Variants in GLYATL2 observed in about 807,000 individuals in gnomAD.
GLYATL2 encodes the protein glycine-N-acyltransferase like 2.
A neutral mutation model predicts 21.4 loss-of-function variants in GLYATL2; 25 were observed. The observed-to-expected ratio is 1.17, with a 90% CI of 0.85 to 1.63. The LOEUF (loss-of-function observed/expected upper bound fraction) is 1.63, where lower values mean the gene tolerates loss of function less well. GLYATL2 is among the 40% of genes most tolerant of loss of function. The pLI, the probability that GLYATL2 is intolerant of heterozygous loss-of-function variation, is 0.00. For missense variants in GLYATL2, 361 were observed against 343.3 expected, an observed-to-expected ratio of 1.05 and a Z score of -0.41; for synonymous variants, 114 against 118.2, an observed-to-expected ratio of 0.96 and a Z score of 0.23.
intron 1 of GLYATL2, among the ~76,000 whole-genome samples, chr11:58,887,226 A>G (rs183920840): frequency 6.6e-6 from 1 of 152,344 alleles, no homozygotes; most frequent in East Asian, 1.9e-4. Context: ...TGAAAATATA[A>G]AAGTTGAATG....
rs1160089355 is a variant in GLYATL2 at position 58,865,095 on chromosome 11, A to G, written n.61-26727T>C. ...TCTCTATCTTCATCAAGGTTTACAC[A>G]TGAAACACATACAGCTTTTTCTATG... On this transcript the variant is annotated intron_variant and non_coding_transcript_variant, in intron 1 of 4. Transcript: ENST00000533636. Among the ~76,000 whole-genome samples, 7 of 148,128 alleles carry G rather than the reference A, an allele frequency of 4.7e-5. 3 individuals are homozygous for G. Among genetic ancestry groups the G allele is most frequent in the East Asian group, 4.5e-4 (2 of 4,424 alleles).
chr11:58,880,116 C>T lies in GLYATL2; in HGVS notation n.60+24040G>A, dbSNP rs371349718. Among the ~76,000 whole-genome samples, 3 of 152,132 alleles carry T rather than the reference C, an allele frequency of 2.0e-5. No homozygotes were observed. In the East Asian group the frequency reaches 5.8e-4, roughly 29 times the overall value. On this transcript the variant is annotated intron_variant and non_coding_transcript_variant, in intron 1 of 4. Transcript: ENST00000533636. The stretch of plus-strand genomic sequence containing the variant: ...CTCGTGATCCGCCCACCTCGGCCTC[C>T]CAAAGTGCGGGGATTACAGGCGTGA...
chr11:58,861,255 A>G (rs578074542), intron 1 of GLYATL2, among the ~76,000 whole-genome samples: 1 of 151,758 alleles, frequency 6.6e-6, no homozygotes, highest in Non-Finnish European at 1.5e-5. Context: ...TTTTTTACTT[A>G]TTTAACGTCC....
In GLYATL2 at chr11:58,860,913, C is replaced by T. The variant is rs140320925; in HGVS notation, n.61-22545G>A. Among the ~76,000 whole-genome samples, 281 of 152,088 alleles carry T rather than the reference C, an allele frequency of 1.8e-3. 2 individuals carry two copies. Among genetic ancestry groups the T allele is most frequent in the African/African-American group, 6.3e-3 (261 of 41,546 alleles). On this transcript the variant is annotated intron_variant and non_coding_transcript_variant, in intron 1 of 4. Transcript: ENST00000533636. ...GGGATTTCACATTTATAGAACTGTA[C>T]GTTGAACTATCTTTGCATCCCTATG...
intron 1 of GLYATL2, among the ~76,000 whole-genome samples, chr11:58,876,491 T>A (rs1035074220): frequency 1.1e-4 from 17 of 152,212 alleles, no homozygotes; most frequent in African/African-American, 3.9e-4. Context: ...TTCTGTTTGT[T>A]AGTTTTCCTT....
chr11:58,905,551 C>A (rs1299983760), upstream of GLYATL2: 1 of 456,220 alleles, frequency 2.2e-6, no homozygotes, highest in Non-Finnish European at 4.4e-6. Context: ...AACCGCCAGG[C>A]ATCTCCCATA....
chr11:58,865,672 C>T (rs929140392), intron 1 of GLYATL2, among the ~76,000 whole-genome samples: 1 of 148,920 alleles, frequency 6.7e-6, no homozygotes, highest in Admixed American at 6.9e-5. Context: ...TGATTTTCCT[C>T]TCTTTCAGAA....
At chr11:58,846,214 AATTTCTTGAGCC>A (rs1853641048), upstream of GLYATL2, among the ~76,000 whole-genome samples, 1 of 152,132 alleles carries the variant, frequency 6.6e-6, no homozygotes, top group African/African-American at 2.4e-5. Flanking sequence ...TTACTTAAGT[AATTTCTTGAGCC>A]ATTAAATTTT....
chr11:58,873,479 A>G (rs988049426), intron 1 of GLYATL2, among the ~76,000 whole-genome samples: 2 of 152,146 alleles, frequency 1.3e-5, no homozygotes, highest in African/African-American at 4.8e-5. Flanking sequence ...TATTTTATTG[A>G]TAGTTTTTAG....
At chr11:58,897,045 A>G (rs1402616092) in intron 1 of GLYATL2, among the ~76,000 whole-genome samples, 2 of 152,224 alleles carry the variant, frequency 1.3e-5, no homozygotes, top group Non-Finnish European at 2.9e-5. Context: ...CTGAAATAAC[A>G]TCTGAGTCTT....
At chr11:58,864,771 A>C (rs1853994769) in intron 1 of GLYATL2, among the ~76,000 whole-genome samples, 1 of 149,092 alleles carries the variant, frequency 6.7e-6, no homozygotes, top group Non-Finnish European at 1.5e-5. Flanking sequence ...AGTTGTTTAA[A>C]TTGATGTTTT....
At chr11:58,871,821 T>C (rs1452611062) in intron 1 of GLYATL2, among the ~76,000 whole-genome samples, 1 of 152,146 alleles carries the variant, frequency 6.6e-6, no homozygotes, top group South Asian at 2.1e-4. Context: ...GCTGGGTCAA[T>C]TGGTATTTCT....
At chr11:58,874,899 T>C (rs1590739593) in intron 1 of GLYATL2, among the ~76,000 whole-genome samples, 1 of 152,182 alleles carries the variant, frequency 6.6e-6, no homozygotes, top group East Asian at 1.9e-4. Flanking sequence ...TGTTAAAGTC[T>C]CCCATTATTA....
chr11:58,909,385 G>C, the GLYATL2 span, among the ~76,000 whole-genome samples: 1 of 152,222 alleles, frequency 6.6e-6, no homozygotes, highest in East Asian at 1.9e-4. Context: ...CTTATGTTAA[G>C]TGTTCTTATT....
intron 1 of GLYATL2, among the ~76,000 whole-genome samples, chr11:58,859,870 G>C (rs1565096052): frequency 6.6e-6 from 1 of 152,146 alleles, no homozygotes; most frequent in African/African-American, 2.4e-5. Flanking sequence ...TTATTAAAGA[G>C]ACTGTTCACT....
intron 1 of GLYATL2, among the ~76,000 whole-genome samples, chr11:58,900,233 T>A (rs1180840406): frequency 6.6e-6 from 1 of 152,208 alleles, no homozygotes; most frequent in Non-Finnish European, 1.5e-5. Flanking sequence ...AGGACATGCA[T>A]GCATTGAAAT....
chr11:58,876,944 G>T (rs867580798), intron 1 of GLYATL2, among the ~76,000 whole-genome samples: 1 of 152,258 alleles, frequency 6.6e-6, no homozygotes, highest in Admixed American at 6.5e-5. Context: ...CACCCAGTTC[G>T]AGCTTCCAGG....
chr11:58,855,424 T>C (rs930383109), intron 1 of GLYATL2, among the ~76,000 whole-genome samples: 8 of 152,226 alleles, frequency 5.3e-5, no homozygotes, highest in East Asian at 3.8e-4. Context: ...GTCTCAATTG[T>C]AGGCTTAAAA....
chr11:58,853,225 A>G (rs763373117), intron 1 of GLYATL2, among the ~76,000 whole-genome samples: 55 of 152,196 alleles, frequency 3.6e-4, no homozygotes, highest in Non-Finnish European at 4.3e-4. Context: ...AAATATCCTG[A>G]CAAACACAAT....
Sources: allele counts gnomAD v4.1 joint callset (sites outside exome capture counted in the v4.1 genomes callset), GRCh38; gene constraint gnomAD v4.1.1; transcripts MANE v1.5; gene names NCBI Gene and HGNC (gene_info 2026-07-23, HGNC 2026-07-21).